The following TUBB8B variants were observed in gnomAD, a reference collection of about 807,000 sequenced individuals.
TUBB8B encodes the protein tubulin beta 8B, also known as HSA18p11 beta-tubulin 4Q pseudogene.
Under a neutral mutation model 31.9 loss-of-function variants are expected in TUBB8B, and 26 were observed. The ratio of observed to expected loss-of-function variants is 0.81; its 90% CI spans 0.60 to 1.13. The LOEUF (loss-of-function observed/expected upper bound fraction) is 1.13, where lower values mean the gene tolerates loss of function less well. Ranked by LOEUF, TUBB8B falls within the 50% of genes most tolerant of loss-of-function variation. The pLI is 0.00. For missense variants in TUBB8B, 467 were observed against 586.7 expected, an observed-to-expected ratio of 0.80 and a Z score of 2.11; for synonymous variants, 173 against 231.0, an observed-to-expected ratio of 0.75 and a Z score of 2.28.
At chr18:63,972 A>G in the TUBB8B span, among the ~76,000 whole-genome samples, 1 of 147,514 alleles carries the variant, frequency 6.8e-6, no homozygotes, top group African/African-American at 2.5e-5. Context: ...CCTAACCCTA[A>G]CCCCAACCCT....
the TUBB8B span, among the ~76,000 whole-genome samples, chr18:68,025 C>A: frequency 0.12 from 13,286 of 111,122 alleles, no homozygotes; most frequent in African/African-American, 0.24. Flanking sequence ...GATATTGCAG[C>A]CGCAATACTG....
At chr18:69,960 C>T in the TUBB8B span, among the ~76,000 whole-genome samples, 21 of 152,142 alleles carry the variant, frequency 1.4e-4, no homozygotes, top group African/African-American at 4.1e-4. Flanking sequence ...AGTTTGAGAA[C>T]GGCATGGCCA....
chr18:64,286 T>G, the TUBB8B span, among the ~76,000 whole-genome samples: 12 of 152,106 alleles, frequency 7.9e-5, no homozygotes, highest in Non-Finnish European at 1.8e-4. Context: ...ATCAACACAC[T>G]CACATATGCA....
intron 3 of TUBB8B, 137 bp from the exon 4 acceptor site, chr18:48,584 C>G (rs531982623): frequency 0.15 from 107,159 of 737,766 alleles, 10,788 homozygotes; most frequent in African/African-American, 0.28. Flanking sequence ...AATGAAACTC[C>G]CTCCTCCAGA....
the TUBB8B span, among the ~76,000 whole-genome samples, chr18:66,455 G>C: frequency 6.6e-6 from 1 of 152,138 alleles, no homozygotes. Flanking sequence ...GGAGGCTGAG[G>C]CGGGAGGATC....
chr18:66,405 AGC>A, the TUBB8B span, among the ~76,000 whole-genome samples: 1 of 152,124 alleles, frequency 6.6e-6, no homozygotes, highest in Non-Finnish European at 1.5e-5. Flanking sequence ...TCAAAAAATT[AGC>A]CAGATGTGGT....
upstream of TUBB8B, among the ~76,000 whole-genome samples, chr18:53,288 G>A (rs191774676): frequency 6.0e-3 from 905 of 151,910 alleles, 16 homozygotes; most frequent in Non-Finnish European, 9.9e-3. Flanking sequence ...GGAATTTTGT[G>A]CATTTTATTT....
the TUBB8B span, among the ~76,000 whole-genome samples, chr18:71,569 T>TAAAAAAAA: frequency 1.7e-5 from 1 of 57,606 alleles, no homozygotes; most frequent in Non-Finnish European, 3.0e-5. Flanking sequence ...AAAAAAAATT[T>TAAAAAAAA]AAAAAAAAAA....
At position 49,507 on chromosome 18, in the gene TUBB8B, G is replaced by A. The variant is rs752264814; in HGVS notation, c.51C>T (p.Gly17=). The change falls in exon 1 of 4, where the codon GGC becomes GGT. Residue 17 remains glycine, a synonymous_variant. Transcript: ENST00000308911. ...TQTGQCGNQI[G]AKFWEVISDE... is the part of the protein sequence containing the mutation. ...CAGAGCCCTGGCTGCCAACCTTGGC[G>A]CCGATCTGGTTCCCGCACTGCCCGG... 91 of 944,738 alleles carry A rather than the reference G, an allele frequency of 9.6e-5. No individual in the cohort carries two copies. The highest frequency in any genetic ancestry group is 1.4e-4 in the Non-Finnish European group (84 of 613,900). The allele number at this position is 944,738 out of a possible 1,614,324, so 58.5% of individuals were successfully genotyped here.
chr18:63,315 G>A, the TUBB8B span, among the ~76,000 whole-genome samples: 2 of 151,778 alleles, frequency 1.3e-5, no homozygotes, highest in South Asian at 2.1e-4. Context: ...TAGGTCCCAA[G>A]CCCAAAAGCA....
chr18:63,864 A>C, the TUBB8B span, among the ~76,000 whole-genome samples: 2 of 102,916 alleles, frequency 1.9e-5, no homozygotes, highest in African/African-American at 3.8e-5. Flanking sequence ...ACCCCTAACC[A>C]CTGACCCCAA....
upstream of TUBB8B, among the ~76,000 whole-genome samples, chr18:53,449 A>G (rs1906187055): frequency 6.6e-6 from 1 of 150,930 alleles, no homozygotes; most frequent in Admixed American, 6.6e-5. Flanking sequence ...CTGGAACACA[A>G]TGAGATTTTT....
chr18:50,824 G>T (rs1462156593), upstream of TUBB8B, among the ~76,000 whole-genome samples: 1 of 131,260 alleles, frequency 7.6e-6, no homozygotes, highest in Non-Finnish European at 1.7e-5. Flanking sequence ...ATCTACAAGG[G>T]CATTTCCTTT....
In TUBB8B at chr18:47,684, G is replaced by C. The variant is rs550960768; in HGVS notation, c.1041C>G (p.Asp347Glu). The stretch of plus-strand genomic sequence containing the variant: ...TGTCACAGACGGCTGTTTTTACGTT[G>C]TCGGGGAACCAGTCAGCAAAGTAGC... ...NSSYFADWFPDNVKTAVCDIP... is the reference protein window; with the variant it reads ...NSSYFADWFPENVKTAVCDIP... Residue 347 changes from aspartate to glutamate, a missense_variant, in exon 4 of 4, where the codon GAC (aspartate) becomes GAG (glutamate). Physicochemically the swap from Asp to Glu is conservative, Grantham distance 45 (BLOSUM62 2). Coordinates refer to ENST00000308911, the MANE Select transcript of TUBB8B (RefSeq NM_001358689.2). The C allele has an allele frequency of 6.2e-7, 1 of 1,612,214 alleles. No homozygotes were observed. Among genetic ancestry groups the C allele is most frequent in the Non-Finnish European group, 8.5e-7 (1 of 1,179,354 alleles).
chr18:58,318 C>G, the TUBB8B span, among the ~76,000 whole-genome samples: 1,294 of 151,832 alleles, frequency 8.5e-3, 23 homozygotes, highest in African/African-American at 0.03. Context: ...AAATAGATTA[C>G]AACTTACTTT....
chr18:60,360 C>T, the TUBB8B span, among the ~76,000 whole-genome samples: 2 of 151,596 alleles, frequency 1.3e-5, no homozygotes, highest in Non-Finnish European at 2.9e-5. Flanking sequence ...TTTGTATCTT[C>T]TCTGTTTTTT....
chr18:56,167 T>C, the TUBB8B span, among the ~76,000 whole-genome samples: 1 of 151,878 alleles, frequency 6.6e-6, no homozygotes, highest in East Asian at 1.9e-4. Flanking sequence ...CTAAGTTCTC[T>C]ATTTCATTCC....
the TUBB8B span, among the ~76,000 whole-genome samples, chr18:54,689 G>A: frequency 6.6e-6 from 1 of 151,890 alleles, no homozygotes; most frequent in African/African-American, 2.4e-5. Context: ...TTCCATTTCT[G>A]TTACTGCAAA....
Position 49,174 on chromosome 18 carries a change from G to A in TUBB8B, c.121C>T (p.His41Tyr), listed in dbSNP as rs1029503466. The A allele has an allele frequency of 1.1e-5, 14 of 1,310,854 alleles. No homozygotes were observed. The East Asian group carries it at 4.2e-4, about 39-fold the overall frequency. 81.2% of individuals were successfully genotyped at this position (1,310,854 alleles called of 1,614,324 possible). A position where few individuals can be genotyped will look rare whatever the true frequency, so the allele number is the denominator to read the frequency against. Residue 41 changes from histidine to tyrosine, a missense_variant, in exon 2 of 4, where the codon CAC becomes TAC. Transcript: ENST00000308911. ...DSAGTYHGDSHLQLERINVHH... is the reference protein window; with the variant it reads ...DSAGTYHGDSYLQLERINVHH... ...ACGTTGATGCGCTCCAGCTGCAGGTGGCTGTCCCCGTGGTAGGTGCCAGCG... is the reference window on the plus strand; with the variant it reads ...ACGTTGATGCGCTCCAGCTGCAGGTAGCTGTCCCCGTGGTAGGTGCCAGCG...
Sources: gnomAD v4.1 joint callset for allele counts (sites outside exome capture counted in the v4.1 genomes callset) on GRCh38, gnomAD v4.1.1 for gene constraint, MANE v1.5 for transcripts, NCBI Gene and HGNC (gene_info 2026-07-23, HGNC 2026-07-21) for gene names.